Variants in ZNF43 observed in about 807,000 individuals in gnomAD.
ZNF43 encodes the protein zinc finger protein 39-like 1 (KOX 27).
Under a neutral mutation model 68.4 loss-of-function variants are expected in ZNF43, and 44 were observed. The observed-to-expected ratio is 0.64, with a 90% CI of 0.51 to 0.83. The LOEUF (loss-of-function observed/expected upper bound fraction) is 0.83. Among genes scored for constraint, ZNF43 ranks in the 40% least tolerant of loss-of-function variants. The probability of loss-of-function intolerance (pLI) is 0.00; values close to 1 mark genes in which losing one functional copy is unlikely to be tolerated. For synonymous variants in ZNF43, 308 were observed against 307.8 expected, an observed-to-expected ratio of 1.00 and a Z score of -0.01; for missense variants, 896 against 933.2, an observed-to-expected ratio of 0.96 and a Z score of 0.52.
intron 1 of ZNF43, among the ~76,000 whole-genome samples, chr19:21,822,883 G>T (rs2145248275): frequency 6.6e-6 from 1 of 152,072 alleles, no homozygotes; most frequent in Non-Finnish European, 1.5e-5. Context: ...GCTTACCTAA[G>T]ACAAAATTAA....
chr19:21,825,498 C>T (rs1477061469), intron 1 of ZNF43, among the ~76,000 whole-genome samples: 4 of 152,106 alleles, frequency 2.6e-5, no homozygotes, highest in Admixed American at 2.6e-4. Flanking sequence ...AAAGGACTTG[C>T]ATTTCTCAGA....
At chr19:21,851,704 A>C (rs1212779954) in intron 1 of ZNF43, among the ~76,000 whole-genome samples, 2 of 152,110 alleles carry the variant, frequency 1.3e-5, no homozygotes, top group African/African-American at 2.4e-5. Context: ...CTGACCAGAG[A>C]GCTCCAGACA....
intron 1 of ZNF43, among the ~76,000 whole-genome samples, chr19:21,845,101 A>G (rs1178259786): frequency 1.3e-5 from 2 of 151,422 alleles, no homozygotes; most frequent in East Asian, 2.0e-4. Context: ...ATGCCTTAAC[A>G]TCTCTTCTTG....
rs761166182 is a variant in ZNF43, at chr19:21,808,269, C to A, written c.1768G>T (p.Gly590Ter). The part of the protein sequence containing the change: ...NLTTHKKIHT[G>*]EKFYKCEECG... ...TCTTCACATTTGTAGAATTTCTCTC[C>A]AGTATGAATTTTCTTATGTGTAGTA... The change falls in exon 4 of 4, where the codon GGA becomes TGA. Residue 590 changes from glycine (G) to a stop codon, truncating the protein, a stop_gained. Coordinates refer to ENST00000354959, the MANE Select transcript of ZNF43 (RefSeq NM_003423.4). LOFTEE classifies it high-confidence loss of function. 1 of 1,613,394 alleles carries A rather than the reference C, an allele frequency of 6.2e-7. No homozygotes were observed.
At chr19:21,809,876 T>A (rs2037195188) in intron 3 of ZNF43, 69 bp from the exon 4 acceptor site, 1 of 1,381,822 alleles carries the variant, frequency 7.2e-7, no homozygotes. Context: ...TTATGTAACA[T>A]ATAAAATCAC....
chr19:21,813,831 T>C (rs1460329148), intron 3 of ZNF43, among the ~76,000 whole-genome samples: 1 of 152,138 alleles, frequency 6.6e-6, no homozygotes, highest in Non-Finnish European at 1.5e-5. Context: ...GGCACAATTA[T>C]GGCTCACTGT....
In ZNF43 at chr19:21,806,011, A is replaced by G. The variant is rs1336561828; in HGVS notation, c.*1596T>C. On this transcript the variant is annotated 3_prime_UTR_variant, in exon 4 of 4. Transcript: ENST00000354959. ...GTACATTTAATTACATAAAATTACA[A>G]TAAGTAAAATGACTTACTAATTTAA... 1 of 152,172 alleles carries G rather than the reference A, an allele frequency of 6.6e-6. No individual in the cohort carries two copies. Among genetic ancestry groups the G allele is most frequent in the African/African-American group, 2.4e-5 (1 of 41,452 alleles). The allele number at this position is 152,172 out of a possible 1,614,324, so 9.4% of individuals were successfully genotyped here.
At chr19:21,818,141 C>T (rs545843013) in intron 2 of ZNF43, among the ~76,000 whole-genome samples, 155 bp from the exon 3 acceptor site, 6 of 151,586 alleles carry the variant, frequency 4.0e-5, no homozygotes, top group African/African-American at 1.5e-4. Context: ...CTCAATCTGT[C>T]ACCAAGGCTG....
chr19:21,847,302 G>A (rs1027374672), intron 1 of ZNF43, among the ~76,000 whole-genome samples: 2 of 152,106 alleles, frequency 1.3e-5, no homozygotes, highest in African/African-American at 4.8e-5. Flanking sequence ...GTTCAGCTGA[G>A]CATTATGTCA....
intron 3 of ZNF43, among the ~76,000 whole-genome samples, chr19:21,815,176 C>T (rs2037461340): frequency 1.5e-5 from 2 of 137,516 alleles, no homozygotes; most frequent in Admixed American, 7.4e-5. Flanking sequence ...GCAACGAGAG[C>T]AAAACTCCAT....
chr19:21,844,170 C>T (rs1482630081), intron 1 of ZNF43, among the ~76,000 whole-genome samples: 3 of 151,870 alleles, frequency 2.0e-5, no homozygotes, highest in Admixed American at 6.6e-5. Flanking sequence ...TAGTTCAAGA[C>T]CAGCCTGACC....
intron 1 of ZNF43, chr19:21,845,529 T>C (rs1033908580): frequency 1.3e-5 from 2 of 151,976 alleles, no homozygotes; most frequent in African/African-American, 4.8e-5. Context: ...TGAAAAGATA[T>C]GTCATAATAC....
chr19:21,818,914 C>G (rs549203676), intron 2 of ZNF43, among the ~76,000 whole-genome samples, 181 bp downstream of exon 2: 87 of 152,080 alleles, frequency 5.7e-4, no homozygotes, highest in African/African-American at 2.0e-3. Flanking sequence ...GTGGAAAGTT[C>G]AGGTCAAGAT....
rs774128517 is a variant in ZNF43, at chr19:21,809,463, G to A, written c.574C>T (p.His192Tyr). 28 of 1,613,792 alleles carry A rather than the reference G, an allele frequency of 1.7e-5. No individual in the cohort carries two copies. In the South Asian group the frequency reaches 3.0e-4, roughly 17 times the overall value. The change falls in exon 4 of 4, where the codon CAT becomes TAT. Residue 192 changes from histidine (H) to tyrosine (Y), a missense_variant. Coordinates refer to ENST00000354959, the MANE Select transcript of ZNF43 (RefSeq NM_003423.4). ...TTCACTCTGGTATGAATTATTTTAT[G>A]TTGAGCTAGATGTGGAAGCATGCAA... ...SFCMLPHLAQ[H>Y]KIIHTRVNFC... is the part of the protein sequence containing the mutation.
At chr19:21,817,243 C>T (rs568423432) in intron 3 of ZNF43, among the ~76,000 whole-genome samples, 16 of 147,932 alleles carry the variant, frequency 1.1e-4, no homozygotes, top group Non-Finnish European at 2.1e-4. Flanking sequence ...AAAAAAGCCA[C>T]GGTATCCAAA....
chr19:21,810,584 G>A (rs1042562022), intron 3 of ZNF43, among the ~76,000 whole-genome samples: 1 of 152,152 alleles, frequency 6.6e-6, no homozygotes, highest in Non-Finnish European at 1.5e-5. Context: ...CCAGTAAAAA[G>A]CAAGACAATA....
In ZNF43 at chr19:21,809,583, C is replaced by A; in HGVS notation, c.454G>T (p.Val152Leu). 1 of 1,611,370 alleles carries A rather than the reference C, an allele frequency of 6.2e-7. No individual in the cohort carries two copies. Among genetic ancestry groups the A allele is most frequent in the Non-Finnish European group, 8.5e-7 (1 of 1,178,966 alleles). ...QSKIFLFDKCVKAFHKFSNSN... is the reference protein window; with the variant it reads ...QSKIFLFDKCLKAFHKFSNSN... ...TTTGAAAATTTATGAAAGGCTTTCA[C>A]ACATTTATCAAATAGAAATATTTTG... Residue 152 changes from valine to leucine, a missense_variant, in exon 4 of 4, where the codon GTG becomes TTG. Val to Leu is a conservative substitution (Grantham distance 32). Transcript: ENST00000354959.
intron 1 of ZNF43, chr19:21,826,489 A>T (rs1417410883): frequency 1.3e-5 from 2 of 152,188 alleles, no homozygotes; most frequent in Non-Finnish European, 2.9e-5. Flanking sequence ...CAGGCTCACT[A>T]AGCCTGAGCA....
chr19:21,813,650 G>A (rs1014172217), intron 3 of ZNF43, among the ~76,000 whole-genome samples: 11 of 152,260 alleles, frequency 7.2e-5, no homozygotes, highest in South Asian at 6.2e-4. Context: ...TTTGTCAAGC[G>A]CTGAAAAGAG....
Sources: allele counts gnomAD v4.1 joint callset (sites outside exome capture counted in the v4.1 genomes callset), GRCh38; gene constraint gnomAD v4.1.1; transcripts MANE v1.5; gene names NCBI Gene and HGNC (gene_info 2026-07-23, HGNC 2026-07-21).